CADPS: variants seen among roughly 807,000 people sequenced by gnomAD.
CADPS encodes calcium-dependent secretion activator 1.
CADPS carries 57 observed loss-of-function variants against 167.3 expected under a neutral mutation model. That is an observed-to-expected ratio of 0.34 (90% CI 0.28 to 0.42). The LOEUF is 0.42. Ranked by LOEUF, CADPS falls within the 20% of genes least tolerant of loss-of-function variation. CADPS has a pLI of 1.00. For synonymous variants in CADPS, 676 were observed against 635.3 expected, an observed-to-expected ratio of 1.06 and a Z score of -0.96; for missense variants, 1,414 against 1,738.1, an observed-to-expected ratio of 0.81 and a Z score of 3.32.
At chr3:62,767,415 C>G (rs1231648363) in intron 1 of CADPS, among the ~76,000 whole-genome samples, 1 of 152,118 alleles carries the variant, frequency 6.6e-6, no homozygotes, top group Non-Finnish European at 1.5e-5. Flanking sequence ...TCTAATTACC[C>G]ATTGTCCTGG....
intron 3 of CADPS, among the ~76,000 whole-genome samples, chr3:62,689,685 A>G (rs2078744591): frequency 6.6e-6 from 1 of 152,102 alleles, no homozygotes; most frequent in Non-Finnish European, 1.5e-5. Flanking sequence ...CTTCCTGCCA[A>G]GTAACCGAAA....
intron 1 of CADPS, among the ~76,000 whole-genome samples, chr3:62,861,001 A>C (rs574844205): frequency 6.6e-6 from 1 of 152,280 alleles, no homozygotes; most frequent in South Asian, 2.1e-4. Flanking sequence ...GGGCACACTG[A>C]AAGTTTTCTC....
At chr3:62,834,895 T>TA (rs1441637751) in intron 1 of CADPS, among the ~76,000 whole-genome samples, 7 of 152,154 alleles carry the variant, frequency 4.6e-5, no homozygotes, top group Admixed American at 3.3e-4. Context: ...TTACAATTCT[T>TA]ACACAAATAT....
intron 1 of CADPS, among the ~76,000 whole-genome samples, chr3:62,803,959 T>C (rs953346854): frequency 1.3e-5 from 2 of 152,040 alleles, no homozygotes; most frequent in African/African-American, 4.8e-5. Flanking sequence ...CTTTCCCACA[T>C]TTCTTTTGGA....
At chr3:62,464,971 A>G (rs1338580943) in intron 26 of CADPS, among the ~76,000 whole-genome samples, 3 of 152,160 alleles carry the variant, frequency 2.0e-5, no homozygotes, top group Non-Finnish European at 4.4e-5. Context: ...TATAAAACAT[A>G]TTTCCAGGAC....
At chr3:62,426,998 A>C (rs6445268) in intron 28 of CADPS, among the ~76,000 whole-genome samples, 100,026 of 150,422 alleles carry the variant, frequency 0.66, 33,669 homozygotes, top group East Asian at 0.87. Context: ...TGGCGTGAAC[A>C]CAGGAGGCAG....
At chr3:62,838,415 G>A (rs2076202999) in intron 1 of CADPS, among the ~76,000 whole-genome samples, 1 of 152,130 alleles carries the variant, frequency 6.6e-6, no homozygotes, top group African/African-American at 2.4e-5. Flanking sequence ...TAAGACAGAG[G>A]TAGGAAAATC....
At chr3:62,428,640 G>T (rs2053275279) in intron 28 of CADPS, among the ~76,000 whole-genome samples, 1 of 152,170 alleles carries the variant, frequency 6.6e-6, no homozygotes, top group Non-Finnish European at 1.5e-5. Flanking sequence ...CGACTTTGTT[G>T]TTGCTACATC....
chr3:62,473,883 A>G (rs1236797233), intron 24 of CADPS: 3 of 279,074 alleles, frequency 1.1e-5, no homozygotes, highest in Non-Finnish European at 2.0e-5. Flanking sequence ...TGTTCGAGAC[A>G]CCAGCCTAAT....
rs187925840 is a variant in CADPS at position 62,534,302 on chromosome 3, A to G, written c.2104-1244T>C. Reference sequence around the variant, plus strand: ...CAAAAAGAGAAAGTGACTAGGGGGCAGGTAGAGGCCACAGAAGTACAGCGA... The same window carrying G: ...CAAAAAGAGAAAGTGACTAGGGGGCGGGTAGAGGCCACAGAAGTACAGCGA... On this transcript the variant is annotated intron_variant, in intron 12 of 29. Transcript: ENST00000383710. Among the ~76,000 whole-genome samples the G allele has an allele frequency of 2.9e-4, 44 of 152,340 alleles. 1 individual carries two copies. The highest frequency in any genetic ancestry group is 4.6e-4 in the Admixed American group (7 of 15,302).
Position 62,799,429 on chromosome 3 carries a change from T to C in CADPS, c.442-33445A>G, listed in dbSNP as rs2093635414. On this transcript the variant is annotated intron_variant, in intron 1 of 29. Transcript: ENST00000383710. ...ACCTATGAAACACTCTTCCTTGATA[T>C]CTTGGTGAGAAAAATTATACCTTCA... 2.0e-5 allele frequency among the ~76,000 whole-genome samples: 3 copies of C among 152,274 alleles called. No individual in the cohort carries two copies. In the South Asian group the frequency reaches 6.2e-4, roughly 32 times the overall value.
chr3:62,698,608 G>T (rs1057293414), intron 3 of CADPS, among the ~76,000 whole-genome samples: 3 of 140,738 alleles, frequency 2.1e-5, no homozygotes, highest in Non-Finnish European at 4.7e-5. Context: ...CACATTAGTG[G>T]TGGTTCTTAT....
intron 6 of CADPS, among the ~76,000 whole-genome samples, chr3:62,631,956 A>C (rs1318466350): frequency 1.3e-5 from 2 of 152,204 alleles, no homozygotes; most frequent in Non-Finnish European, 1.5e-5. Context: ...GTATTCACTA[A>C]AACAAGGTGA....
At chr3:62,641,487 A>T (rs2067405221) in intron 6 of CADPS, among the ~76,000 whole-genome samples, 1 of 152,160 alleles carries the variant, frequency 6.6e-6, no homozygotes, top group Non-Finnish European at 1.5e-5. Context: ...CTCTATTTCA[A>T]AGAGAGTGGG....
intron 3 of CADPS, among the ~76,000 whole-genome samples, chr3:62,680,990 C>A (rs2077072608): frequency 6.6e-6 from 1 of 152,010 alleles, no homozygotes; most frequent in Non-Finnish European, 1.5e-5. Context: ...CCAGCCTCCA[C>A]TCCCGCCATG....
chr3:62,811,224 T>G (rs2094378660), intron 1 of CADPS, among the ~76,000 whole-genome samples: 1 of 152,134 alleles, frequency 6.6e-6, no homozygotes, highest in Non-Finnish European at 1.5e-5. Flanking sequence ...TAGCCTAACA[T>G]TTTTACTTAA....
intron 1 of CADPS, among the ~76,000 whole-genome samples, chr3:62,808,500 T>G (rs1338254606): frequency 3.3e-5 from 5 of 152,134 alleles, no homozygotes; most frequent in Non-Finnish European, 4.4e-5. Flanking sequence ...TCATTCTTTA[T>G]TTTCCTTAGT....
intron 24 of CADPS, chr3:62,470,772 A>G (rs1326273350): frequency 1.3e-5 from 2 of 152,200 alleles, no homozygotes; most frequent in Non-Finnish European, 2.9e-5. Context: ...TTACAATAAG[A>G]ATCATAGACT....
intron 6 of CADPS, among the ~76,000 whole-genome samples, chr3:62,639,341 G>A (rs576274158): frequency 1.2e-4 from 18 of 152,222 alleles, no homozygotes; most frequent in African/African-American, 3.4e-4. Flanking sequence ...ATGTCTCTAC[G>A]TAAATATCTC....
Sources: gnomAD v4.1 joint callset for allele counts (sites outside exome capture counted in the v4.1 genomes callset) on GRCh38, gnomAD v4.1.1 for gene constraint, MANE v1.5 for transcripts, NCBI Gene and HGNC (gene_info 2026-07-23, HGNC 2026-07-21) for gene names.